Variants in MAP4K5 observed in about 807,000 individuals in gnomAD.
MAP4K5 encodes mitogen-activated protein kinase kinase kinase kinase 5.
A neutral mutation model predicts 135.6 loss-of-function variants in MAP4K5; 82 were observed. The ratio of observed to expected loss-of-function variants is 0.60; its 90% CI spans 0.51 to 0.73. MAP4K5 has a LOEUF of 0.73. MAP4K5 is among the 30% of genes least tolerant of loss of function. The pLI is 0.00. For synonymous variants in MAP4K5, 347 were observed against 335.0 expected, an observed-to-expected ratio of 1.04 and a Z score of -0.39; for missense variants, 907 against 1,010.9, an observed-to-expected ratio of 0.90 and a Z score of 1.39.
chr14:50,436,194 G>A (rs1419621416), intron 26 of MAP4K5, among the ~76,000 whole-genome samples: 4 of 152,134 alleles, frequency 2.6e-5, no homozygotes, highest in African/African-American at 4.8e-5. Context: ...ACTTACTAGT[G>A]ACACAATCAG....
intron 2 of MAP4K5, among the ~76,000 whole-genome samples, chr14:50,512,007 T>C (rs2037939820): frequency 6.6e-6 from 1 of 152,064 alleles, no homozygotes; most frequent in Admixed American, 6.5e-5. Context: ...CCCATAGAAC[T>C]ATACAACACA....
chr14:50,512,107 A>G (rs1400540149), intron 2 of MAP4K5, among the ~76,000 whole-genome samples: 1 of 152,144 alleles, frequency 6.6e-6, no homozygotes, highest in Admixed American at 6.5e-5. Flanking sequence ...ACACTAACGC[A>G]AGATGTTAAT....
At chr14:50,540,383 C>G (rs2038546255) in intron 2 of MAP4K5, among the ~76,000 whole-genome samples, 1 of 152,100 alleles carries the variant, frequency 6.6e-6, no homozygotes, top group African/African-American at 2.4e-5. Context: ...GACATATTAC[C>G]TGAATCTTAG....
chr14:50,462,933 C>G (rs2036744885), intron 12 of MAP4K5, among the ~76,000 whole-genome samples, 152 bp from the exon 13 acceptor site: 2 of 152,106 alleles, frequency 1.3e-5, no homozygotes, highest in African/African-American at 4.8e-5. Flanking sequence ...AAATATTAAT[C>G]AGAGAATCCA....
At chr14:50,543,719 T>C (rs1344296556) in intron 1 of MAP4K5, among the ~76,000 whole-genome samples, 1 of 152,204 alleles carries the variant, frequency 6.6e-6, no homozygotes, top group Non-Finnish European at 1.5e-5. Context: ...ATCTACTCAA[T>C]ATTCAGAATG....
chr14:50,502,173 G>T (rs182527930), intron 3 of MAP4K5, among the ~76,000 whole-genome samples: 59 of 152,108 alleles, frequency 3.9e-4, no homozygotes, highest in African/African-American at 1.3e-3. Context: ...ATGGCTCAAG[G>T]TCATCACCAA....
chr14:50,423,433 G>T (rs1486605342), intron 31 of MAP4K5, among the ~76,000 whole-genome samples: 1 of 151,236 alleles, frequency 6.6e-6, no homozygotes, highest in African/African-American at 2.4e-5. Context: ...TCATATCATT[G>T]AAGAAGAAAC....
At chr14:50,542,105 A>G (rs1429439213) in intron 2 of MAP4K5, among the ~76,000 whole-genome samples, 1 of 145,788 alleles carries the variant, frequency 6.9e-6, no homozygotes, top group African/African-American at 2.5e-5. Flanking sequence ...CTCTTGATTT[A>G]CTTCTAGGTC....
chr14:50,510,871 A>G (rs1212939757), intron 2 of MAP4K5, among the ~76,000 whole-genome samples: 2 of 152,228 alleles, frequency 1.3e-5, no homozygotes, highest in Admixed American at 1.3e-4. Flanking sequence ...TGGACAGAAC[A>G]CAAACCTTGA....
intron 2 of MAP4K5, among the ~76,000 whole-genome samples, chr14:50,531,731 C>G (rs2140128097): frequency 6.6e-6 from 1 of 152,262 alleles, no homozygotes; most frequent in Non-Finnish European, 1.5e-5. Flanking sequence ...CAGCGGTTTG[C>G]AACTGTGTGG....
intron 2 of MAP4K5, among the ~76,000 whole-genome samples, chr14:50,506,332 A>G (rs937687361): frequency 6.6e-6 from 1 of 152,100 alleles, no homozygotes; most frequent in Non-Finnish European, 1.5e-5. Context: ...CACAAACAGA[A>G]AGAAAAATAA....
chr14:50,544,465 G>T (rs766758125), intron 1 of MAP4K5, among the ~76,000 whole-genome samples: 2 of 152,138 alleles, frequency 1.3e-5, no homozygotes, highest in Non-Finnish European at 2.9e-5. Context: ...GACAATTCTG[G>T]ACAATGACAC....
chr14:50,560,333 C>T (rs1177557666), intron 1 of MAP4K5: 11 of 1,611,346 alleles, frequency 6.8e-6, no homozygotes, highest in Non-Finnish European at 9.3e-6. Flanking sequence ...GCAGCCTGCA[C>T]GGGGTCTTCT....
At chr14:50,462,511 T>G (rs1442245571) in intron 13 of MAP4K5, among the ~76,000 whole-genome samples, 154 bp downstream of exon 13, 1 of 152,212 alleles carries the variant, frequency 6.6e-6, no homozygotes, top group Non-Finnish European at 1.5e-5. Context: ...GATAATTATG[T>G]GCAGGAAAAG....
intron 9 of MAP4K5, among the ~76,000 whole-genome samples, chr14:50,474,530 A>T (rs773272839): frequency 1.3e-5 from 2 of 152,138 alleles, no homozygotes; most frequent in Non-Finnish European, 2.9e-5. Flanking sequence ...TGTTTTAGAA[A>T]GATTATTTTG....
intron 3 of MAP4K5, among the ~76,000 whole-genome samples, chr14:50,493,854 G>T (rs1167030997): frequency 6.6e-6 from 1 of 151,872 alleles, no homozygotes; most frequent in East Asian, 1.9e-4. Flanking sequence ...TGGGCGTGGT[G>T]GTGGGCGCCT....
intron 32 of MAP4K5, among the ~76,000 whole-genome samples, chr14:50,422,269 G>GC (rs2035751397): frequency 6.6e-6 from 1 of 152,126 alleles, no homozygotes; most frequent in Admixed American, 6.5e-5. Flanking sequence ...AAGTTGCCAT[G>GC]CTTTGTGGGC....
At chr14:50,478,605 T>G (rs2037160669) in intron 6 of MAP4K5, among the ~76,000 whole-genome samples, 1 of 152,110 alleles carries the variant, frequency 6.6e-6, no homozygotes, top group South Asian at 2.1e-4. Flanking sequence ...GATTTCAGAT[T>G]TTTTAGTACT....
upstream of MAP4K5, chr14:50,532,699 C>T: frequency 6.5e-6 from 1 of 152,678 alleles, no homozygotes; most frequent in Non-Finnish European, 1.5e-5. Context: ...AACCAGAGTG[C>T]CGCCCTGAGG....
Sources: gnomAD v4.1 joint callset for allele counts (sites outside exome capture counted in the v4.1 genomes callset) on GRCh38, gnomAD v4.1.1 for gene constraint, MANE v1.5 for transcripts, NCBI Gene and HGNC (gene_info 2026-07-23, HGNC 2026-07-21) for gene names.